MAPK4: variants seen among roughly 807,000 people sequenced by gnomAD.
MAPK4 encodes the protein Erk3-related.
MAPK4 carries 22 observed loss-of-function variants against 47.7 expected under a neutral mutation model. The ratio of observed to expected loss-of-function variants is 0.46; its 90% CI spans 0.33 to 0.66. The LOEUF (loss-of-function observed/expected upper bound fraction) is 0.66. MAPK4 is among the 30% of genes least tolerant of loss of function. The pLI is 0.02. For synonymous variants in MAPK4, 390 were observed against 365.7 expected, an observed-to-expected ratio of 1.07 and a Z score of -0.76; for missense variants, 736 against 831.7, an observed-to-expected ratio of 0.88 and a Z score of 1.42.
intron 1 of MAPK4, among the ~76,000 whole-genome samples, chr18:50,659,450 C>A (rs965984915): frequency 6.6e-5 from 10 of 152,180 alleles, no homozygotes; most frequent in African/African-American, 1.2e-4. Context: ...AGGATCTGAG[C>A]AGATGGGGAG....
At position 50,662,808 on chromosome 18, in the gene MAPK4, C is replaced by T. The variant is rs562688100; in HGVS notation, c.-870-281C>T. Among the ~76,000 whole-genome samples the T allele has an allele frequency of 5.9e-5, 9 of 152,314 alleles. No homozygotes were observed. The East Asian group carries it at 9.6e-4, about 16-fold the overall frequency. The stretch of plus-strand genomic sequence containing the variant: ...AAGGTCAGAAGGGATAATTCTCCAC[C>T]GTAATTTGCACATGTTAAACTTGGG... On this transcript the variant is annotated intron_variant, in intron 1 of 5. Transcript: ENST00000400384.
intron 2 of MAPK4, among the ~76,000 whole-genome samples, chr18:50,671,088 A>T (rs1907924763): frequency 6.6e-6 from 1 of 152,222 alleles, no homozygotes; most frequent in Non-Finnish European, 1.5e-5. Context: ...CCTCCCAGAG[A>T]ACACAGGTGT....
intron 1 of MAPK4, among the ~76,000 whole-genome samples, chr18:50,614,534 T>C (rs1361808849): frequency 6.6e-6 from 1 of 152,172 alleles, no homozygotes; most frequent in East Asian, 1.9e-4. Flanking sequence ...TTTTTAACTC[T>C]AGCTTTTCAA....
intron 1 of MAPK4, among the ~76,000 whole-genome samples, chr18:50,568,686 A>G (rs536806491): frequency 2.6e-5 from 4 of 152,242 alleles, no homozygotes; most frequent in Admixed American, 1.3e-4. Context: ...TAATTTTACT[A>G]TCTTAAATTT....
rs112135939 is a variant in MAPK4 at position 50,666,160 on chromosome 18, T to C, written c.546+1656T>C. 2.2e-3 allele frequency among the ~76,000 whole-genome samples: 337 copies of C among 152,282 alleles called. 1 individual carries two copies. Among genetic ancestry groups the C allele is most frequent in the African/African-American group, 7.2e-3 (301 of 41,534 alleles). On this transcript the variant is annotated intron_variant, in intron 2 of 5. Coordinates refer to ENST00000400384, the MANE Select transcript of MAPK4 (RefSeq NM_002747.4). The stretch of plus-strand genomic sequence containing the variant: ...CAAGGAAAGAGCTTAAGACAGCACA[T>C]AGTAGGGCTTTAGGAAGGTCCAGGA...
intron 2 of MAPK4, among the ~76,000 whole-genome samples, chr18:50,672,543 C>G (rs1285923603): frequency 6.6e-6 from 1 of 152,064 alleles, no homozygotes; most frequent in Non-Finnish European, 1.5e-5. Flanking sequence ...AAGAGGATCC[C>G]GAGAAGAGGC....
At chr18:50,594,214 T>C (rs1487025600) in intron 1 of MAPK4, among the ~76,000 whole-genome samples, 1 of 152,188 alleles carries the variant, frequency 6.6e-6, no homozygotes, top group African/African-American at 2.4e-5. Flanking sequence ...TGGCAGCCAA[T>C]TGCATGGTGC....
At chr18:50,626,766 G>T (rs2042782587) in intron 1 of MAPK4, among the ~76,000 whole-genome samples, 1 of 152,160 alleles carries the variant, frequency 6.6e-6, no homozygotes, top group Non-Finnish European at 1.5e-5. Context: ...AACACAGCTT[G>T]TCCCACACCC....
intron 2 of MAPK4, among the ~76,000 whole-genome samples, chr18:50,683,366 G>A (rs9961811): frequency 0.027 from 4,038 of 151,604 alleles, 98 homozygotes; most frequent in African/African-American, 0.06. Flanking sequence ...CGAGTGATCC[G>A]CCTGCCTCAC....
chr18:50,697,420 AT>A (rs1909572476), intron 2 of MAPK4, among the ~76,000 whole-genome samples: 1 of 152,236 alleles, frequency 6.6e-6, no homozygotes, highest in South Asian at 2.1e-4. Flanking sequence ...TATTTGCTAC[AT>A]TAATAATTCA....
intron 1 of MAPK4, among the ~76,000 whole-genome samples, chr18:50,619,337 G>C (rs1051525650): frequency 6.6e-6 from 1 of 152,024 alleles, no homozygotes; most frequent in Non-Finnish European, 1.5e-5. Context: ...ATTTATTTTA[G>C]AGACAAGGTC....
chr18:50,634,948 T>A (rs1040942006), intron 1 of MAPK4, among the ~76,000 whole-genome samples: 1 of 152,112 alleles, frequency 6.6e-6, no homozygotes, highest in African/African-American at 2.4e-5. Flanking sequence ...TTCTTAGACA[T>A]CCCTATGCTC....
intron 4 of MAPK4, 21 bp downstream of exon 4, chr18:50,722,120 G>C: frequency 6.2e-7 from 1 of 1,606,088 alleles, no homozygotes; most frequent in Non-Finnish European, 8.5e-7. Flanking sequence ...CTGGCAGCCA[G>C]GCCAAGTGTC....
chr18:50,571,154 AC>A (rs1222767272), intron 1 of MAPK4, among the ~76,000 whole-genome samples: 1 of 152,116 alleles, frequency 6.6e-6, no homozygotes, highest in Non-Finnish European at 1.5e-5. Flanking sequence ...CTTTCTGGAG[AC>A]CACCGTATAC....
At chr18:50,659,756 G>C (rs1291012298) in intron 1 of MAPK4, among the ~76,000 whole-genome samples, 1 of 152,208 alleles carries the variant, frequency 6.6e-6, no homozygotes, top group Non-Finnish European at 1.5e-5. Context: ...GCTCTTGTGA[G>C]AGTTCCATGC....
intron 2 of MAPK4, among the ~76,000 whole-genome samples, chr18:50,670,751 C>T (rs559077604): frequency 1.2e-3 from 147 of 122,696 alleles, no homozygotes; most frequent in African/African-American, 2.1e-3. Context: ...AGTGAGACTC[C>T]GTCTCAAAAA....
intron 1 of MAPK4, among the ~76,000 whole-genome samples, chr18:50,620,745 A>G (rs2042724528): frequency 6.6e-6 from 1 of 151,868 alleles, no homozygotes; most frequent in East Asian, 1.9e-4. Flanking sequence ...TCTCTATAAA[A>G]ATTAAAAATA....
chr18:50,674,639 G>A (rs527405081), intron 2 of MAPK4, among the ~76,000 whole-genome samples: 29 of 152,242 alleles, frequency 1.9e-4, no homozygotes, highest in African/African-American at 7.0e-4. Context: ...CTGCTCAAAT[G>A]TCCCACCTCT....
At chr18:50,694,486 T>C (rs1417170958) in intron 2 of MAPK4, among the ~76,000 whole-genome samples, 1 of 152,200 alleles carries the variant, frequency 6.6e-6, no homozygotes, top group African/African-American at 2.4e-5. Context: ...ATCTTCTCCA[T>C]CCACCGGAGC....
Sources: allele counts gnomAD v4.1 joint callset (sites outside exome capture counted in the v4.1 genomes callset), GRCh38; gene constraint gnomAD v4.1.1; transcripts MANE v1.5; gene names NCBI Gene and HGNC (gene_info 2026-07-23, HGNC 2026-07-21).